SV2B: variants seen among roughly 807,000 people sequenced by gnomAD.
SV2B encodes solute carrier family 22 member B2.
Under a neutral mutation model 73.9 loss-of-function variants are expected in SV2B, and 41 were observed. The observed-to-expected ratio is 0.56, with a 90% CI of 0.43 to 0.72. The LOEUF is 0.72. Ranked by LOEUF, SV2B falls within the 30% of genes least tolerant of loss-of-function variation. The pLI, the probability that SV2B is intolerant of heterozygous loss-of-function variation, is 0.00. For missense variants in SV2B, 764 were observed against 857.8 expected, an observed-to-expected ratio of 0.89 and a Z score of 1.37; for synonymous variants, 314 against 314.2, an observed-to-expected ratio of 1.00 and a Z score of 0.01.
rs936155756 is a variant in SV2B at position 91,299,675 on chromosome 15, C to T, written c.*7123C>T. On this transcript the variant is annotated 3_prime_UTR_variant, in exon 13 of 13. Coordinates refer to ENST00000394232, the MANE Select transcript of SV2B (RefSeq NM_001323032.3). ...TTTTTATTTTTTTGAGACAGAGTCT[C>T]ACTCTGTCATCTAGGCTGGAGTGCA... 16 of 152,122 alleles carry T rather than the reference C, an allele frequency of 1.1e-4. No homozygotes were observed. Among genetic ancestry groups the T allele is most frequent in the Admixed American group, 3.3e-4 (5 of 15,278 alleles). The allele number at this position is 152,122 out of a possible 1,614,324, so 9.4% of individuals were successfully genotyped here.
chr15:91,237,624 A>G (rs2046838865), intron 2 of SV2B, among the ~76,000 whole-genome samples: 1 of 151,542 alleles, frequency 6.6e-6, no homozygotes, highest in African/African-American at 2.5e-5. Context: ...AGAACCACGT[A>G]GTTTATACAA....
At chr15:91,142,522 T>A (rs1567286195) in intron 1 of SV2B, among the ~76,000 whole-genome samples, 1 of 152,114 alleles carries the variant, frequency 6.6e-6, no homozygotes, top group Non-Finnish European at 1.5e-5. Flanking sequence ...AAAGACTAGA[T>A]CAGGAGATAT....
In SV2B at chr15:91,246,713, ACCTCCTCCT is replaced by A. The variant is rs3837743; in HGVS notation, c.452-5078_452-5070del. 6.8e-3 allele frequency among the ~76,000 whole-genome samples: 969 copies of A among 141,828 alleles called. 8 individuals are homozygous for A. Among genetic ancestry groups the A allele is most frequent in the Non-Finnish European group, 7.6e-3 (485 of 63,416 alleles). The allele number at this position is 141,828 out of a possible 152,430, so 93.0% of individuals were successfully genotyped here. Reference sequence around the variant, plus strand: ...CTCCACCACATCGCTCCTCCTTTCAACCTCCTCCTCCTCCTCCTCCTCCTCCTCCTCCTC... The same window carrying A: ...CTCCACCACATCGCTCCTCCTTTCAACCTCCTCCTCCTCCTCCTCCTCCTC... On this transcript the variant is annotated intron_variant, in intron 2 of 12. Transcript: ENST00000394232.
intron 9 of SV2B, among the ~76,000 whole-genome samples, chr15:91,275,685 G>T (rs919390723): frequency 2.6e-5 from 4 of 152,124 alleles, no homozygotes; most frequent in Admixed American, 2.0e-4. Context: ...AATTAGTCAG[G>T]CATGGTGTTG....
chr15:91,167,919 C>T (rs2043971812), intron 1 of SV2B, among the ~76,000 whole-genome samples: 2 of 152,144 alleles, frequency 1.3e-5, no homozygotes, highest in Non-Finnish European at 2.9e-5. Context: ...CAAGGGCTGA[C>T]CTACCTCCTG....
chr15:91,108,596 C>T (rs1427598799), intron 1 of SV2B, among the ~76,000 whole-genome samples: 4 of 152,300 alleles, frequency 2.6e-5, no homozygotes, highest in Non-Finnish European at 5.9e-5. Flanking sequence ...TTGCTCCTCC[C>T]GGCCTGGGCA....
chr15:91,108,279 G>A (rs2041944314), intron 1 of SV2B, among the ~76,000 whole-genome samples: 1 of 152,160 alleles, frequency 6.6e-6, no homozygotes, highest in Non-Finnish European at 1.5e-5. Flanking sequence ...GACATTTCAA[G>A]GTGCCTCAGA....
chr15:91,216,951 G>A (rs1050943870), intron 1 of SV2B, among the ~76,000 whole-genome samples: 1 of 144,090 alleles, frequency 6.9e-6, no homozygotes, highest in Non-Finnish European at 1.5e-5. Flanking sequence ...ACAGTGGCAC[G>A]ATCTCAGCTC....
rs892022599 is a variant in SV2B at position 91,232,171 on chromosome 15, C to T, written c.451+5457C>T. Among the ~76,000 whole-genome samples the T allele has an allele frequency of 3.3e-5, 5 of 152,106 alleles. No individual in the cohort carries two copies. Among genetic ancestry groups the T allele is most frequent in the African/African-American group, 1.2e-4 (5 of 41,430 alleles). On this transcript the variant is annotated intron_variant, in intron 2 of 12. Coordinates refer to ENST00000394232, the MANE Select transcript of SV2B (RefSeq NM_001323032.3). The surrounding 1 kb of genome is among the most constrained non-coding windows in gnomAD (Gnocchi z 4.7). ...ATGGAGGGGGGTCACTTCTGTGGCA[C>T]AAAATATGTCCTCAGTGACCAAGTA...
intron 2 of SV2B, among the ~76,000 whole-genome samples, chr15:91,249,321 A>G (rs2047387458): frequency 6.6e-6 from 1 of 152,222 alleles, no homozygotes; most frequent in Admixed American, 6.5e-5. Flanking sequence ...GCCTTCCCAC[A>G]TTGAGTGAAT....
intron 1 of SV2B, among the ~76,000 whole-genome samples, chr15:91,155,024 T>A (rs1479709313): frequency 6.6e-6 from 1 of 152,146 alleles, no homozygotes; most frequent in East Asian, 1.9e-4. Context: ...GATTTTTTGT[T>A]ATTGATGAGT....
rs1465808160 is a variant in SV2B, at chr15:91,224,865, A to G, written c.-391-1008A>G. Among the ~76,000 whole-genome samples the G allele has an allele frequency of 1.3e-5, 2 of 152,314 alleles. No individual in the cohort carries two copies. The highest frequency in any genetic ancestry group is 3.9e-4 in the East Asian group (2 of 5,182). On this transcript the variant is annotated intron_variant, in intron 1 of 12. Coordinates refer to ENST00000394232, the MANE Select transcript of SV2B (RefSeq NM_001323032.3). This position sits in a 1 kb window ranked among gnomAD's most constrained non-coding sequence, Gnocchi z 4.9. ...TGTGAAACCTGAGATTCTAGGCACA[A>G]TGAGAATCCACTGGGCAAAGGAGTC...
At position 91,302,158 on chromosome 15, in the gene SV2B, C is replaced by A. The variant is rs868310701; in HGVS notation, c.*9606C>A. On this transcript the variant is annotated 3_prime_UTR_variant, in exon 13 of 13. Transcript: ENST00000394232. The stretch of plus-strand genomic sequence containing the variant: ...ATTGTGACTAACACAGTATTTGATA[C>A]GTAGTAGGTCTCAATAGATGATGAA... 1.3e-5 allele frequency among the ~76,000 whole-genome samples: 2 copies of A among 152,288 alleles called. No homozygotes were observed. The highest frequency in any genetic ancestry group is 2.9e-5 in the Non-Finnish European group (2 of 68,022).
At chr15:91,228,117 C>A (rs575559699) in intron 2 of SV2B, among the ~76,000 whole-genome samples, 1 of 152,208 alleles carries the variant, frequency 6.6e-6, no homozygotes. Context: ...AGAACCTCTG[C>A]ATAAAAAATT....
chr15:91,101,861 A>G (rs942281191), intron 1 of SV2B: 1 of 152,208 alleles, frequency 6.6e-6, no homozygotes, highest in African/African-American at 2.4e-5. Flanking sequence ...AATACAAGTC[A>G]GACTTTAATT....
chr15:91,158,110 C>A (rs1313454763), intron 1 of SV2B, among the ~76,000 whole-genome samples: 2 of 152,168 alleles, frequency 1.3e-5, no homozygotes, highest in Non-Finnish European at 2.9e-5. Context: ...TTGGTCCTCA[C>A]CAAAGCTCAT....
chr15:91,112,328 C>T (rs1023387709), intron 1 of SV2B, among the ~76,000 whole-genome samples: 3 of 152,090 alleles, frequency 2.0e-5, no homozygotes, highest in African/African-American at 7.2e-5. Context: ...GTGGTGAGAT[C>T]GCCGCTGTCC....
chr15:91,137,628 C>CATATATATTTCATAT lies in SV2B; in HGVS notation c.-392+37271_-392+37272insATTTCATATATATAT, dbSNP rs10671788. On this transcript the variant is annotated intron_variant, in intron 1 of 12. Transcript: ENST00000394232. This position sits in a 1 kb window ranked among gnomAD's most constrained non-coding sequence, Gnocchi z 4.9. ...ATTTCATATATATATTTCATATATA[C>CATATATATTTCATAT]ATATATTTCATATATACATATATAT... is the stretch of plus-strand genomic sequence containing the variant. Among the ~76,000 whole-genome samples the CATATATATTTCATAT allele has an allele frequency of 6.6e-4, 23 of 34,894 alleles. 1 individual carries two copies. Among genetic ancestry groups the CATATATATTTCATAT allele is most frequent in the Non-Finnish European group, 2.5e-4 (4 of 15,898 alleles). 22.9% of individuals were successfully genotyped at this position (34,894 alleles called of 152,430 possible).
intron 1 of SV2B, among the ~76,000 whole-genome samples, chr15:91,173,600 C>T (rs1005943401): frequency 1.3e-5 from 2 of 152,162 alleles, no homozygotes; most frequent in East Asian, 3.9e-4. Context: ...TGCCTTCAAC[C>T]CATGCAAACT....
Sources: allele counts gnomAD v4.1 joint callset (sites outside exome capture counted in the v4.1 genomes callset), GRCh38; gene constraint gnomAD v4.1.1; non-coding constraint Gnocchi (gnomAD v3.1); transcripts MANE v1.5; gene names NCBI Gene and HGNC (gene_info 2026-07-23, HGNC 2026-07-21).